Variants in UST observed in about 807,000 individuals in gnomAD.
The protein encoded by UST is chondroitin sulfate 2-O-sulfotransferase.
UST carries 21 observed loss-of-function variants against 45.6 expected under a neutral mutation model. The ratio of observed to expected loss-of-function variants is 0.46; its 90% CI spans 0.33 to 0.66. UST has a LOEUF of 0.66. Among genes scored for constraint, UST ranks in the 30% least tolerant of loss-of-function variants. The pLI is 0.02. For missense variants in UST, 463 were observed against 512.4 expected, an observed-to-expected ratio of 0.90 and a Z score of 0.93; for synonymous variants, 215 against 200.6, an observed-to-expected ratio of 1.07 and a Z score of -0.61.
chr6:149,058,438 C>A (rs1348256443), intron 7 of UST, among the ~76,000 whole-genome samples: 1 of 150,384 alleles, frequency 6.6e-6, no homozygotes, highest in African/African-American at 2.4e-5. Context: ...AGAGAAGTAC[C>A]CTAGGCCTGC....
chr6:148,892,306 A>G (rs533747602), intron 2 of UST, among the ~76,000 whole-genome samples: 4 of 152,266 alleles, frequency 2.6e-5, no homozygotes, highest in East Asian at 1.9e-4. Flanking sequence ...TCTGTCAGTT[A>G]TCTTCTTTTT....
At chr6:148,965,876 CTTTTT>C (rs56202168) in intron 5 of UST, among the ~76,000 whole-genome samples, 39,138 of 126,674 alleles carry the variant, frequency 0.31, 4,190 homozygotes, top group Middle Eastern at 0.35. Context: ...TGGCTTTTCC[CTTTTT>C]TTTTTTTTTT....
Position 148,993,193 on chromosome 6 carries a change from A to G in UST, c.682-25946A>G, listed in dbSNP as rs2114994523. On this transcript the variant is annotated intron_variant, in intron 5 of 7. Coordinates refer to ENST00000367463, the MANE Select transcript of UST (RefSeq NM_005715.3). ...CAGGGCAAGAAAGTGGAATAAGAAG[A>G]ATGAGTTTCTCCTGAGCCTTCCATC... 4.7e-6 allele frequency: 2 copies of G among 428,714 alleles called. 1 individual carries two copies. Among genetic ancestry groups the G allele is most frequent in the South Asian group, 2.0e-4 (2 of 10,196 alleles). The allele number at this position is 428,714 out of a possible 1,614,324, so 26.6% of individuals were successfully genotyped here.
chr6:148,894,674 C>T lies in UST; in HGVS notation c.291+7645C>T, dbSNP rs73602969. On this transcript the variant is annotated intron_variant, in intron 2 of 7. Transcript: ENST00000367463. ...TTGTGGTACTTTGTTACAGCAGCCC[C>T]AGGTAGCAATGCAAATGGATTGAGT... 8.0e-3 allele frequency among the ~76,000 whole-genome samples: 1,215 copies of T among 152,226 alleles called. 22 individuals are homozygous for T. Among genetic ancestry groups the T allele is most frequent in the African/African-American group, 0.028 (1,164 of 41,530 alleles).
chr6:148,761,822 A>C (rs1024485932), intron 1 of UST, among the ~76,000 whole-genome samples: 1 of 152,178 alleles, frequency 6.6e-6, no homozygotes, highest in Non-Finnish European at 1.5e-5. Context: ...TGTGGAGCCA[A>C]CTTCAGCAGT....
intron 7 of UST, among the ~76,000 whole-genome samples, chr6:149,071,526 A>G (rs990044823): frequency 6.6e-6 from 1 of 152,204 alleles, no homozygotes; most frequent in Non-Finnish European, 1.5e-5. Flanking sequence ...AATGGTCTCC[A>G]TTACAATTAA....
intron 2 of UST, among the ~76,000 whole-genome samples, chr6:148,923,399 T>C (rs552403487): frequency 6.6e-6 from 1 of 152,242 alleles, no homozygotes; most frequent in Non-Finnish European, 1.5e-5. Flanking sequence ...CCACCAGCAA[T>C]GTAGGAGGCT....
chr6:148,962,957 C>T (rs1343781133), intron 4 of UST, among the ~76,000 whole-genome samples: 1 of 152,242 alleles, frequency 6.6e-6, no homozygotes, highest in Non-Finnish European at 1.5e-5. Context: ...GAGGCACACA[C>T]TCAGATGTTC....
chr6:149,055,045 C>T (rs562463999), intron 7 of UST, among the ~76,000 whole-genome samples: 2 of 152,278 alleles, frequency 1.3e-5, no homozygotes, highest in African/African-American at 4.8e-5. Flanking sequence ...CTTTACACTT[C>T]GAGCTGAAAG....
Position 148,760,200 on chromosome 6 carries a change from C to T in UST, c.247+12523C>T, listed in dbSNP as rs538777214. Among the ~76,000 whole-genome samples, 189 of 152,272 alleles carry T rather than the reference C, an allele frequency of 1.2e-3. 1 individual carries two copies. Among genetic ancestry groups the T allele is most frequent in the Admixed American group, 3.7e-3 (57 of 15,294 alleles). On this transcript the variant is annotated intron_variant, in intron 1 of 7. Coordinates refer to ENST00000367463, the MANE Select transcript of UST (RefSeq NM_005715.3). ...AGCAGTGCGTTTCCTCCACCTCCGCCAGAACTTGCTCTAGAAATTAGGGGA... is the reference window on the plus strand; with the variant it reads ...AGCAGTGCGTTTCCTCCACCTCCGCTAGAACTTGCTCTAGAAATTAGGGGA...
chr6:149,015,386 C>T (rs1775882346), intron 5 of UST, among the ~76,000 whole-genome samples: 1 of 152,196 alleles, frequency 6.6e-6, no homozygotes, highest in South Asian at 2.1e-4. Context: ...GAGATGATCT[C>T]ATTTCCCTAA....
At chr6:148,923,875 G>C (rs7743220) in intron 2 of UST, among the ~76,000 whole-genome samples, 1 of 152,162 alleles carries the variant, frequency 6.6e-6, no homozygotes, top group Non-Finnish European at 1.5e-5. Context: ...GTTTTCAGCT[G>C]GGCTGAGGGC....
At chr6:148,809,067 T>G (rs1256231167) in intron 1 of UST, among the ~76,000 whole-genome samples, 1 of 152,236 alleles carries the variant, frequency 6.6e-6, no homozygotes, top group East Asian at 1.9e-4. Flanking sequence ...ATCATCACCT[T>G]GTACTCGAGC....
rs149862386 is a variant in UST at position 148,941,374 on chromosome 6, C to T, written c.387C>T (p.His129=). ...TTCTGAGAATCTTGTCGGAGAAGCA[C>T]GGATTTAATTTGGTCACATCAGACA... ...VLLLRILSEK[H]GFNLVTSDIH... Residue 129 remains histidine, a synonymous_variant, in exon 3 of 8, where the codon CAC becomes CAT. Transcript: ENST00000367463. 8.0e-5 allele frequency: 129 copies of T among 1,612,268 alleles called. No homozygotes were observed. Among genetic ancestry groups the T allele is most frequent in the African/African-American group, 2.1e-4 (16 of 74,898 alleles).
chr6:148,917,057 G>A (rs1437868354), intron 2 of UST, among the ~76,000 whole-genome samples: 6 of 152,202 alleles, frequency 3.9e-5, no homozygotes, highest in Non-Finnish European at 1.5e-5. Flanking sequence ...AGAAAGGAGT[G>A]AAGAAAGGGA....
intron 1 of UST, among the ~76,000 whole-genome samples, chr6:148,818,289 G>A (rs1777393731): frequency 6.6e-6 from 1 of 152,218 alleles, no homozygotes; most frequent in Non-Finnish European, 1.5e-5. Context: ...GTGACTTGGG[G>A]TGAAGGAGAC....
intron 2 of UST, among the ~76,000 whole-genome samples, chr6:148,930,704 C>T (rs558270105): frequency 7.5e-4 from 114 of 152,134 alleles, no homozygotes; most frequent in Non-Finnish European, 1.2e-3. Context: ...TCTAGAGGGC[C>T]GTGTGGAAGG....
chr6:148,803,343 T>C (rs1320060177), intron 1 of UST, among the ~76,000 whole-genome samples: 1 of 152,228 alleles, frequency 6.6e-6, no homozygotes, highest in African/African-American at 2.4e-5. Context: ...TCCTGGGATA[T>C]TCTAGAGACC....
intron 7 of UST, among the ~76,000 whole-genome samples, chr6:149,050,940 C>A (rs576309392): frequency 1.8e-4 from 27 of 152,232 alleles, no homozygotes; most frequent in Admixed American, 5.2e-4. Context: ...GCCCACATGC[C>A]AAGGCTAATT....
Sources: gnomAD v4.1 joint callset for allele counts (sites outside exome capture counted in the v4.1 genomes callset) on GRCh38, gnomAD v4.1.1 for gene constraint, MANE v1.5 for transcripts, NCBI Gene and HGNC (gene_info 2026-07-23, HGNC 2026-07-21) for gene names.